ERBB4: variants seen among roughly 807,000 people sequenced by gnomAD.
ERBB4 encodes erb-b2 receptor tyrosine kinase 4, also known as receptor tyrosine-protein kinase erbB-4.
ERBB4 carries 42 observed loss-of-function variants against 158.0 expected under a neutral mutation model. The ratio of observed to expected loss-of-function variants is 0.27; its 90% CI spans 0.21 to 0.34. The LOEUF (loss-of-function observed/expected upper bound fraction) is 0.34, where lower values mean the gene tolerates loss of function less well. ERBB4 is among the 10% of genes least tolerant of loss of function. The pLI is 1.00. For missense variants in ERBB4, 1,333 were observed against 1,624.1 expected (o/e 0.82, Z 3.08); for synonymous variants, 583 against 558.7 (o/e 1.04, Z -0.61).
chr2:211,881,347 G>A (rs1016534693), intron 3 of ERBB4, among the ~76,000 whole-genome samples: 1 of 152,092 alleles, frequency 6.6e-6, no homozygotes, highest in Non-Finnish European at 1.5e-5. Context: ...AGCAGTCCAA[G>A]AAATTATTTT....
intron 1 of ERBB4, among the ~76,000 whole-genome samples, chr2:212,319,582 G>C (rs2087463366): frequency 6.7e-6 from 1 of 150,292 alleles, no homozygotes; most frequent in African/African-American, 2.4e-5. Flanking sequence ...ATATATTATG[G>C]CCAAATGGCA....
rs760476474 is a variant in ERBB4, at chr2:211,947,632, C to G, written c.235-16G>C. On this transcript the variant is annotated splice_polypyrimidine_tract_variant and intron_variant, in intron 2 of 27. Coordinates refer to ENST00000342788, the MANE Select transcript of ERBB4 (RefSeq NM_005235.3). ...CTCGAACAGACTGAAAAGACACAAACAGTTGCCTGTGTTATAAAACGAATT... is the reference window on the plus strand; with the variant it reads ...CTCGAACAGACTGAAAAGACACAAAGAGTTGCCTGTGTTATAAAACGAATT... 21 of 1,610,766 alleles carry G rather than the reference C, an allele frequency of 1.3e-5. No individual in the cohort carries two copies. The highest frequency in any genetic ancestry group is 1.7e-5 in the Admixed American group (1 of 59,696).
intron 1 of ERBB4, among the ~76,000 whole-genome samples, chr2:212,442,016 C>T (rs1244002876): frequency 6.6e-6 from 1 of 152,100 alleles, no homozygotes; most frequent in African/African-American, 2.4e-5. Flanking sequence ...CACTCAACTA[C>T]AAAATTTAAA....
intron 20 of ERBB4, among the ~76,000 whole-genome samples, chr2:211,539,066 AT>A: frequency 6.6e-6 from 1 of 152,046 alleles, no homozygotes; most frequent in South Asian, 2.1e-4. Flanking sequence ...AAAGTTATTA[AT>A]TCTTCCTGGC....
chr2:211,730,403 G>T (rs561369407), intron 5 of ERBB4, among the ~76,000 whole-genome samples: 3 of 151,944 alleles, frequency 2.0e-5, no homozygotes, highest in African/African-American at 7.2e-5. Context: ...ATAAATTTAG[G>T]CAAAGTCTTT....
intron 20 of ERBB4, among the ~76,000 whole-genome samples, chr2:211,485,790 A>C (rs931954783): frequency 3.9e-5 from 6 of 152,032 alleles, no homozygotes; most frequent in Non-Finnish European, 8.8e-5. Flanking sequence ...GCACACCAGC[A>C]TGGCACATAT....
chr2:211,491,657 T>C (rs764009062), intron 20 of ERBB4, among the ~76,000 whole-genome samples: 1 of 152,064 alleles, frequency 6.6e-6, no homozygotes, highest in Non-Finnish European at 1.5e-5. Flanking sequence ...TTAGGAATGG[T>C]AATTAGGAAG....
chr2:211,667,544 C>T (rs1256503247), intron 14 of ERBB4, among the ~76,000 whole-genome samples: 2 of 151,914 alleles, frequency 1.3e-5, no homozygotes, highest in African/African-American at 4.8e-5. Context: ...ACTTCACATC[C>T]TTCCAATTTT....
At chr2:212,447,774 TTGTGTGTGTGTGTG>T (rs3040357) in intron 1 of ERBB4, among the ~76,000 whole-genome samples, 1 of 147,102 alleles carries the variant, frequency 6.8e-6, no homozygotes, top group East Asian at 2.0e-4. Context: ...TCATAAAAGA[TTGTGTGTGTGTGTG>T]TGTGTGTGTG....
chr2:211,502,577 T>C (rs1303760863), intron 20 of ERBB4, among the ~76,000 whole-genome samples: 4 of 152,174 alleles, frequency 2.6e-5, no homozygotes, highest in Non-Finnish European at 4.4e-5. Context: ...TATCTCCCTC[T>C]ATAACTTGGA....
intron 6 of ERBB4, among the ~76,000 whole-genome samples, chr2:211,723,478 A>G (rs894183263): frequency 6.6e-6 from 1 of 152,172 alleles, no homozygotes; most frequent in Non-Finnish European, 1.5e-5. Flanking sequence ...TATGGTTATT[A>G]ATAAGCATTA....
rs994198001 is a variant in ERBB4 at position 211,723,144 on chromosome 2, C to T, written c.742-610G>A. ...TGTCATTTCTAGTATGGCTTTTTTC[C>T]TAATGCCACTCCATTTAGTAAAAGC... On this transcript the variant is annotated intron_variant, in intron 6 of 27. Transcript: ENST00000342788. Among the ~76,000 whole-genome samples, 43 of 152,066 alleles carry T rather than the reference C, an allele frequency of 2.8e-4. 1 individual carries two copies. The highest frequency in any genetic ancestry group is 2.9e-5 in the Non-Finnish European group (2 of 68,000).
chr2:212,322,903 C>T (rs528323368), intron 1 of ERBB4, among the ~76,000 whole-genome samples: 3 of 149,224 alleles, frequency 2.0e-5, no homozygotes, highest in Admixed American at 2.0e-4. Flanking sequence ...TAATTCCTTG[C>T]TAATATTTCT....
chr2:212,483,828 C>T (rs1225598417), intron 1 of ERBB4, among the ~76,000 whole-genome samples: 1 of 152,172 alleles, frequency 6.6e-6, no homozygotes, highest in Non-Finnish European at 1.5e-5. Flanking sequence ...GCTCCGCCTT[C>T]AGGGTTCACG....
intron 1 of ERBB4, among the ~76,000 whole-genome samples, chr2:212,360,295 T>C (rs550184864): frequency 1.1e-4 from 16 of 151,824 alleles, no homozygotes; most frequent in African/African-American, 3.9e-4. Context: ...CTTCTGTCAC[T>C]GTGTGCAAGC....
rs868110916 is a variant in ERBB4, at chr2:212,094,419, T to C, written c.234+30333A>G. Among the ~76,000 whole-genome samples, 7 of 151,112 alleles carry C rather than the reference T, an allele frequency of 4.6e-5. No homozygotes were observed. The South Asian group carries it at 1.5e-3, about 31-fold the overall frequency. On this transcript the variant is annotated intron_variant, in intron 2 of 27. Transcript: ENST00000342788. ...TAGCTATGTTTTCTCAATTCATAAT[T>C]ACTCTATTTTTAGGTAAAGATTGTG...
intron 19 of ERBB4, among the ~76,000 whole-genome samples, chr2:211,583,401 T>G (rs1223747781): frequency 2.0e-5 from 3 of 151,882 alleles, no homozygotes; most frequent in Non-Finnish European, 4.4e-5. Flanking sequence ...AATTAATTGT[T>G]CAAAATACTA....
chr2:212,249,477 A>G (rs1447092427), intron 1 of ERBB4, among the ~76,000 whole-genome samples: 1 of 151,884 alleles, frequency 6.6e-6, no homozygotes, highest in Non-Finnish European at 1.5e-5. Context: ...CTAGAGGGAA[A>G]AGCAAGCAGT....
chr2:212,204,871 T>C (rs934593149), intron 1 of ERBB4, among the ~76,000 whole-genome samples: 2 of 146,476 alleles, frequency 1.4e-5, no homozygotes, highest in African/African-American at 2.5e-5. Flanking sequence ...CAGGCTGAAG[T>C]GCAATGGCAT....
Sources: gnomAD v4.1 joint callset for allele counts (sites outside exome capture counted in the v4.1 genomes callset) on GRCh38, gnomAD v4.1.1 for gene constraint, MANE v1.5 for transcripts, NCBI Gene and HGNC (gene_info 2026-07-23, HGNC 2026-07-21) for gene names.